Variants in COL5A1 observed in about 807,000 individuals in gnomAD.
COL5A1 encodes the protein collagen alpha-1(V) chain.
COL5A1 carries 16 observed loss-of-function variants against 263.7 expected under a neutral mutation model. The ratio of observed to expected loss-of-function variants is 0.06; its 90% confidence interval spans 0.04 to 0.09. The LOEUF (loss-of-function observed/expected upper bound fraction) is 0.09. Ranked by LOEUF, COL5A1 falls within the 10% of genes least tolerant of loss-of-function variation. The pLI is 1.00. For missense variants in COL5A1, 2,036 were observed against 2,540.5 expected, an observed-to-expected ratio of 0.80 and a Z score of 4.27; for synonymous variants, 1,012 against 1,004.5, an observed-to-expected ratio of 1.01 and a Z score of -0.14.
At position 134,817,141 on chromosome 9, in the gene COL5A1, C is replaced by A. The variant is rs138667621; in HGVS notation, c.4176+62C>A. The stretch of plus-strand genomic sequence containing the variant: ...CCCTGCATGAAACACCCCCGCCCCT[C>A]CCCGTCACCTTTGCTTGGGCCCTGG... On this transcript the variant is annotated intron_variant, in intron 53 of 65. Transcript: ENST00000371817. 5.2e-3 allele frequency: 7,677 copies of A among 1,473,454 alleles called. 43 individuals are homozygous for A. The highest frequency in any genetic ancestry group is 0.011 in the South Asian group (946 of 88,034). 91.3% of individuals were successfully genotyped at this position (1,473,454 alleles called of 1,614,324 possible).
Position 134,682,422 on chromosome 9 carries a change from C to T in COL5A1, c.110-8490C>T, listed in dbSNP as rs1040776248. ...ATGGGGCAGAGAGATCGGGCTGGGC[C>T]AGCACACTTCCCCAGAGACCCTGAC... On this transcript the variant is annotated intron_variant, in intron 1 of 65. Transcript: ENST00000371817. This position sits in a 1 kb window ranked among gnomAD's most constrained non-coding sequence, Gnocchi z 5.1. 2.6e-5 allele frequency among the ~76,000 whole-genome samples: 4 copies of T among 152,226 alleles called. No individual in the cohort carries two copies. The highest frequency in any genetic ancestry group is 5.9e-5 in the Non-Finnish European group (4 of 68,040).
At chr9:134,732,331 G>T (rs1452689314) in intron 9 of COL5A1, 1 of 663,876 alleles carries the variant, frequency 1.5e-6, no homozygotes, top group Non-Finnish European at 2.7e-6. Flanking sequence ...GGATGTTCTG[G>T]ACTGTGATGG....
intron 42 of COL5A1, among the ~76,000 whole-genome samples, chr9:134,807,240 G>A (rs1421535338): frequency 6.6e-6 from 1 of 152,170 alleles, no homozygotes; most frequent in Non-Finnish European, 1.5e-5. Flanking sequence ...GCAGATAATC[G>A]GTGCAGACCA....
At chr9:134,753,759 T>TCCCCCCGGCCCCCCCCCCCCCCCCCCC in intron 14 of COL5A1, 91 bp from the exon 15 acceptor site, 1 of 540,648 alleles carries the variant, frequency 1.8e-6, no homozygotes, top group African/African-American at 2.0e-5. Flanking sequence ...CCCTGTCCCC[T>TCCCCCCGGCCCCCCCCCCCCCCCCCCC]CCCCCTGCCC....
intron 1 of COL5A1, among the ~76,000 whole-genome samples, chr9:134,665,131 G>C (rs749064292): frequency 1.3e-5 from 2 of 152,210 alleles, no homozygotes; most frequent in Non-Finnish European, 2.9e-5. Flanking sequence ...CCCTGGAGAC[G>C]GAGGTTGCAG....
At chr9:134,778,233 A>G (rs1837121042) in intron 27 of COL5A1, among the ~76,000 whole-genome samples, 1 of 152,140 alleles carries the variant, frequency 6.6e-6, no homozygotes, top group Non-Finnish European at 1.5e-5. Flanking sequence ...ATCTGCTAGG[A>G]AAAAAACACC....
chr9:134,744,772 CAT>C, intron 11 of COL5A1, among the ~76,000 whole-genome samples: 1 of 151,968 alleles, frequency 6.6e-6, no homozygotes, highest in Non-Finnish European at 1.5e-5. Flanking sequence ...CATGCTCACT[CAT>C]ACATGCACAC....
intron 1 of COL5A1, among the ~76,000 whole-genome samples, chr9:134,679,141 G>A (rs924286894): frequency 4.6e-5 from 7 of 152,084 alleles, no homozygotes; most frequent in African/African-American, 1.7e-4. Context: ...TCTTCCTTTC[G>A]CTCTCTGGGC....
chr9:134,786,316 C>T (rs886803865), intron 31 of COL5A1, among the ~76,000 whole-genome samples: 1 of 152,226 alleles, frequency 6.6e-6, no homozygotes, highest in African/African-American at 2.4e-5. Context: ...TCATCCACTC[C>T]CCATCCTTGG....
chr9:134,794,099 G>A lies in COL5A1; in HGVS notation c.2701-983G>A, dbSNP rs147632293. On this transcript the variant is annotated intron_variant, in intron 32 of 65. Coordinates refer to ENST00000371817, the MANE Select transcript of COL5A1 (RefSeq NM_000093.5). The surrounding 1 kb of genome is among the most constrained non-coding windows in gnomAD (Gnocchi z 4.3). ...TCCCAGCACTTTGGGAGGCTGAGGC[G>A]GGTGAATCACGAGGTCAAGAGATCG... 5.6e-4 allele frequency among the ~76,000 whole-genome samples: 86 copies of A among 152,230 alleles called. No individual in the cohort carries two copies. Among genetic ancestry groups the A allele is most frequent in the African/African-American group, 1.8e-3 (75 of 41,538 alleles).
Position 134,826,657 on chromosome 9 carries a change from GTGGA to G in COL5A1, c.5067+757_5067+760del, listed in dbSNP as rs1371680200. Among the ~76,000 whole-genome samples, 188 of 150,748 alleles carry G rather than the reference GTGGA, an allele frequency of 1.2e-3. 2 individuals are homozygous for G. Among genetic ancestry groups the G allele is most frequent in the African/African-American group, 4.5e-3 (181 of 40,648 alleles). On this transcript the variant is annotated intron_variant, in intron 63 of 65. Coordinates refer to ENST00000371817, the MANE Select transcript of COL5A1 (RefSeq NM_000093.5). ...GATGATGTGTGGGTGCATGTGGCTG[GTGGA>G]TGGGTGTGTGTATGGGTGGTGGATG...
At chr9:134,738,700 C>A in intron 10 of COL5A1, 46 bp from the exon 11 acceptor site, 2 of 1,555,446 alleles carry the variant, frequency 1.3e-6, no homozygotes, top group South Asian at 1.1e-5. Context: ...GGACCTTGCC[C>A]TGCGGCCCCA....
intron 4 of COL5A1, among the ~76,000 whole-genome samples, chr9:134,708,101 G>T (rs114377124): frequency 1.3e-5 from 2 of 152,198 alleles, no homozygotes; most frequent in African/African-American, 4.8e-5. Flanking sequence ...TGTCCGGGGA[G>T]GGAGGGCTTT....
At chr9:134,763,024 A>G (rs1337838048) in intron 19 of COL5A1, among the ~76,000 whole-genome samples, 1 of 152,048 alleles carries the variant, frequency 6.6e-6, no homozygotes, top group Non-Finnish European at 1.5e-5. Context: ...ATGTGCATGC[A>G]CAGGGTGTAT....
At chr9:134,759,832 C>A (rs1836224875) in intron 18 of COL5A1, among the ~76,000 whole-genome samples, 2 of 86,090 alleles carry the variant, frequency 2.3e-5, no homozygotes, top group Non-Finnish European at 4.3e-5. Flanking sequence ...ACCCACACCC[C>A]CCCACTCACG....
At chr9:134,643,816 C>A (rs570463263) in intron 1 of COL5A1, among the ~76,000 whole-genome samples, 14 of 152,276 alleles carry the variant, frequency 9.2e-5, no homozygotes, top group African/African-American at 3.4e-4. Context: ...TCCCCAGAAA[C>A]TCAGGAGGGA....
chr9:134,841,824 C>T lies in COL5A1; in HGVS notation c.5371-333C>T, dbSNP rs564887599. ...GAATACCTGGGGCATCACAAGGAGT[C>T]TGGACTGGGCACGGTGGGAAGGCTG... On this transcript the variant is annotated intron_variant, in intron 65 of 65. Coordinates refer to ENST00000371817, the MANE Select transcript of COL5A1 (RefSeq NM_000093.5). The surrounding 1 kb of genome is among the most constrained non-coding windows in gnomAD (Gnocchi z 4.8). Among the ~76,000 whole-genome samples, 1 of 152,246 alleles carries T rather than the reference C, an allele frequency of 6.6e-6. No individual in the cohort carries two copies. Among genetic ancestry groups the T allele is most frequent in the African/African-American group, 2.4e-5 (1 of 41,572 alleles).
intron 49 of COL5A1, 28 bp from the exon 50 acceptor site, chr9:134,814,769 G>T (rs1172664851): frequency 2.1e-5 from 32 of 1,524,776 alleles, no homozygotes; most frequent in Non-Finnish European, 1.4e-5. Context: ...TTGGCTCTGA[G>T]GACTTGACAC....
chr9:134,734,458 C>T (rs931322082), intron 9 of COL5A1, among the ~76,000 whole-genome samples: 7 of 152,258 alleles, frequency 4.6e-5, no homozygotes, highest in Non-Finnish European at 8.8e-5. Context: ...CAACCTGGAA[C>T]GTTGCCAGAT....
Sources: allele counts gnomAD v4.1 joint callset (sites outside exome capture counted in the v4.1 genomes callset), GRCh38; gene constraint gnomAD v4.1.1; non-coding constraint Gnocchi (gnomAD v3.1); transcripts MANE v1.5; gene names NCBI Gene and HGNC (gene_info 2026-07-23, HGNC 2026-07-21).